Variants in RFX3 observed in about 807,000 individuals in gnomAD.
The protein encoded by RFX3 is transcription factor RFX3.
RFX3 carries 14 observed loss-of-function variants against 98.6 expected under a neutral mutation model. The observed-to-expected ratio is 0.14, with a 90% confidence interval of 0.09 to 0.22. The LOEUF is 0.22. RFX3 is among the 10% of genes least tolerant of loss of function. The pLI, the probability that RFX3 is intolerant of heterozygous loss-of-function variation, is 1.00. For missense variants in RFX3, 639 were observed against 926.9 expected, an observed-to-expected ratio of 0.69 and a Z score of 4.03; for synonymous variants, 383 against 328.4, an observed-to-expected ratio of 1.17 and a Z score of -1.80.
Position 3,275,506 on chromosome 9 carries a change from G to A in RFX3, c.1080C>T (p.His360=), listed in dbSNP as rs760862035. 1 of 1,578,750 alleles carries A rather than the reference G, an allele frequency of 6.3e-7. No individual in the cohort carries two copies. Among genetic ancestry groups the A allele is most frequent in the Non-Finnish European group, 8.7e-7 (1 of 1,148,326 alleles). Reference sequence around the variant, plus strand: ...TACATTTGAAAAGACTTACCTCACAGTGCTCTCTATAAAGACTCTGCAGTG... The same window carrying A: ...TACATTTGAAAAGACTTACCTCACAATGCTCTCTATAAAGACTCTGCAGTG... ...IKSLQSLYRE[H]CEAILDVVVN... The change falls in exon 9 of 17, where the codon CAC becomes CAT. Residue 360 remains histidine (H), a synonymous_variant. Coordinates refer to ENST00000617270, the MANE Select transcript of RFX3 (RefSeq NM_001282116.2).
chr9:3,489,434 CA>C, intron 1 of RFX3: 1 of 985,234 alleles, frequency 1.0e-6, no homozygotes, highest in African/African-American at 1.7e-5. Flanking sequence ...GAAGTTCACA[CA>C]AACAAGCTGC....
intron 13 of RFX3, among the ~76,000 whole-genome samples, chr9:3,257,779 G>A (rs757420629): frequency 6.6e-6 from 1 of 152,180 alleles, no homozygotes; most frequent in Non-Finnish European, 1.5e-5. Flanking sequence ...GGCTATCAAG[G>A]CAAGGCTATG....
intron 3 of RFX3, among the ~76,000 whole-genome samples, chr9:3,332,395 T>C (rs1464601772): frequency 6.6e-6 from 1 of 152,174 alleles, no homozygotes; most frequent in Non-Finnish European, 1.5e-5. Flanking sequence ...AGTTAGTATA[T>C]ATTGAACCAT....
chr9:3,341,302 C>T (rs1002698806), intron 3 of RFX3, among the ~76,000 whole-genome samples: 1 of 151,642 alleles, frequency 6.6e-6, no homozygotes, highest in East Asian at 1.9e-4. Flanking sequence ...ATACCTAATG[C>T]TAAATGACGA....
chr9:3,474,519 G>A (rs1014829338), intron 1 of RFX3, among the ~76,000 whole-genome samples: 1 of 152,162 alleles, frequency 6.6e-6, no homozygotes, highest in Non-Finnish European at 1.5e-5. Flanking sequence ...CAAACTCATA[G>A]AAGCTCATAA....
At chr9:3,470,143 T>C (rs1587782919) in intron 1 of RFX3, among the ~76,000 whole-genome samples, 1 of 152,200 alleles carries the variant, frequency 6.6e-6, no homozygotes, top group Non-Finnish European at 1.5e-5. Flanking sequence ...ACATAGCCTA[T>C]GTGGTAAGTT....
At chr9:3,513,769 C>G (rs1265390802) in intron 1 of RFX3, among the ~76,000 whole-genome samples, 3 of 151,850 alleles carry the variant, frequency 2.0e-5, no homozygotes, top group African/African-American at 4.8e-5. Context: ...AATGCTCAAG[C>G]AAACCTAACC....
intron 1 of RFX3, among the ~76,000 whole-genome samples, chr9:3,464,234 G>C (rs1237886873): frequency 1.3e-5 from 2 of 152,166 alleles, no homozygotes; most frequent in Non-Finnish European, 2.9e-5. Context: ...ACTTCGAAAA[G>C]TTAAAACATA....
chr9:3,401,265 C>A (rs1264675557), intron 1 of RFX3, among the ~76,000 whole-genome samples: 1 of 152,188 alleles, frequency 6.6e-6, no homozygotes, highest in African/African-American at 2.4e-5. Context: ...ATATAACCCT[C>A]CCGCCAAATT....
chr9:3,333,051 T>A (rs1043667491), intron 3 of RFX3, among the ~76,000 whole-genome samples: 1 of 152,190 alleles, frequency 6.6e-6, no homozygotes, highest in Non-Finnish European at 1.5e-5. Context: ...TTTCCTCAAG[T>A]CTTCCTACTC....
chr9:3,364,242 C>G (rs1205769426), intron 2 of RFX3: 1 of 158,344 alleles, frequency 6.3e-6, no homozygotes, highest in Admixed American at 6.5e-5. Context: ...CCATCTATAA[C>G]AATTACTAAT....
At chr9:3,243,184 G>A (rs1484333632) in intron 15 of RFX3, among the ~76,000 whole-genome samples, 2 of 151,816 alleles carry the variant, frequency 1.3e-5, no homozygotes, top group African/African-American at 4.8e-5. Context: ...GTAAACAGAT[G>A]CAACTCATTT....
At chr9:3,235,945 C>CA (rs1691848458) in intron 15 of RFX3, among the ~76,000 whole-genome samples, 1 of 152,140 alleles carries the variant, frequency 6.6e-6, no homozygotes, top group Non-Finnish European at 1.5e-5. Context: ...CATTCTACTG[C>CA]TTATCACACA....
At chr9:3,275,720 CA>C (rs1272423764) in intron 8 of RFX3, 108 bp from the exon 9 acceptor site, 3 of 581,786 alleles carry the variant, frequency 5.2e-6, no homozygotes, top group Non-Finnish European at 9.1e-6. Context: ...TTTTAAAGGT[CA>C]GGGGTCCAGA....
chr9:3,368,170 A>G (rs1436010768), intron 2 of RFX3, among the ~76,000 whole-genome samples: 1 of 152,174 alleles, frequency 6.6e-6, no homozygotes, highest in African/African-American at 2.4e-5. Flanking sequence ...AACTTATCAT[A>G]CTCTAAGAAA....
chr9:3,445,615 C>T (rs1051448879), intron 1 of RFX3, among the ~76,000 whole-genome samples: 11 of 152,026 alleles, frequency 7.2e-5, no homozygotes, highest in African/African-American at 2.7e-4. Context: ...TCCTGTATTC[C>T]CACCCAATTT....
At chr9:3,505,334 T>A (rs1483511106) in intron 1 of RFX3, among the ~76,000 whole-genome samples, 1 of 45,580 alleles carries the variant, frequency 2.2e-5, no homozygotes, top group African/African-American at 1.4e-4. Context: ...ATTTATATTT[T>A]ATATAAATAA....
intron 3 of RFX3, among the ~76,000 whole-genome samples, chr9:3,345,260 T>C (rs956725818): frequency 6.6e-6 from 1 of 152,000 alleles, no homozygotes; most frequent in Non-Finnish European, 1.5e-5. Flanking sequence ...AGACAGAGAA[T>C]GCTATTTCAG....
At chr9:3,486,396 A>T (rs541398039) in intron 1 of RFX3, among the ~76,000 whole-genome samples, 16 of 152,312 alleles carry the variant, frequency 1.1e-4, no homozygotes, top group Non-Finnish European at 2.1e-4. Context: ...TGGAACAAAG[A>T]GTAAACAGAA....
Sources: allele counts gnomAD v4.1 joint callset (sites outside exome capture counted in the v4.1 genomes callset), GRCh38; gene constraint gnomAD v4.1.1; transcripts MANE v1.5; gene names NCBI Gene and HGNC (gene_info 2026-07-23, HGNC 2026-07-21).